The following SNAP29 variants were observed in gnomAD, a reference collection of about 807,000 sequenced individuals.
The protein encoded by SNAP29 is synaptosomal-associated protein 29.
In SNAP29, 13 loss-of-function variants were observed where a neutral mutation model predicts 27.9. The ratio of observed to expected loss-of-function variants is 0.47; its 90% CI spans 0.30 to 0.74. The LOEUF (loss-of-function observed/expected upper bound fraction) is 0.74, where lower values mean the gene tolerates loss of function less well. Among genes scored for constraint, SNAP29 ranks in the 30% least tolerant of loss-of-function variants. The pLI is 0.06. For synonymous variants in SNAP29, 119 were observed against 127.1 expected, an observed-to-expected ratio of 0.94 and a Z score of 0.43; for missense variants, 368 against 336.5, an observed-to-expected ratio of 1.09 and a Z score of -0.73.
intron 3 of SNAP29, among the ~76,000 whole-genome samples, chr22:20,881,418 G>A (rs1008619342): frequency 1.2e-4 from 18 of 152,196 alleles, no homozygotes; most frequent in Admixed American, 8.5e-4. Context: ...GAGCCTGCCC[G>A]GCCAGCCTGG....
At chr22:20,870,669 C>A in intron 2 of SNAP29, 136 bp downstream of exon 2, 1 of 817,140 alleles carries the variant, frequency 1.2e-6, no homozygotes, top group Non-Finnish European at 2.1e-6. Context: ...GGATATTTGT[C>A]CTCAAACATT....
intron 1 of SNAP29, among the ~76,000 whole-genome samples, chr22:20,864,759 A>G (rs1569115146): frequency 6.6e-6 from 1 of 152,240 alleles, no homozygotes; most frequent in Non-Finnish European, 1.5e-5. Flanking sequence ...CTTAAGCGTT[A>G]TTGGCGCTCC....
At chr22:20,874,749 A>G (rs561787987) in intron 2 of SNAP29, among the ~76,000 whole-genome samples, 1 of 151,570 alleles carries the variant, frequency 6.6e-6, no homozygotes, top group South Asian at 2.1e-4. Flanking sequence ...CTAATTTTAA[A>G]CATCCGCCAT....
chr22:20,868,744 C>T (rs1455029166), intron 1 of SNAP29, among the ~76,000 whole-genome samples: 1 of 152,202 alleles, frequency 6.6e-6, no homozygotes, highest in Non-Finnish European at 1.5e-5. Context: ...AGCCTTCTGG[C>T]TGGAAAGGCA....
intron 2 of SNAP29, among the ~76,000 whole-genome samples, chr22:20,879,851 T>TAAAA (rs361542): frequency 2.0e-5 from 2 of 98,070 alleles, no homozygotes; most frequent in African/African-American, 3.8e-5. Flanking sequence ...TGAAAAAATT[T>TAAAA]AAAAAAAAAA....
chr22:20,870,587 C>T (rs1928568343), intron 2 of SNAP29, 54 bp downstream of exon 2: 2 of 1,522,666 alleles, frequency 1.3e-6, no homozygotes, highest in East Asian at 4.6e-5. Flanking sequence ...GGGATTAGTG[C>T]AAATGACCAA....
intron 2 of SNAP29, among the ~76,000 whole-genome samples, chr22:20,874,013 CG>C (rs1309263326): frequency 5.3e-5 from 7 of 131,382 alleles, no homozygotes; most frequent in African/African-American, 2.0e-4. Flanking sequence ...TGGTGAGTCA[CG>C]CCTGTAATCC....
chr22:20,886,903 G>A (rs1431141679), intron 4 of SNAP29, among the ~76,000 whole-genome samples: 2 of 151,894 alleles, frequency 1.3e-5, no homozygotes, highest in South Asian at 2.1e-4. Context: ...ATGAGCCATT[G>A]TACCCGGCCA....
Position 20,883,484 on chromosome 22 carries a change from A to AG in SNAP29, c.538dup (p.Ala180GlyfsTer8), listed in dbSNP as rs1405780453. The AG allele has an allele frequency of 6.2e-7, 1 of 1,611,704 alleles. No individual in the cohort carries two copies. Among genetic ancestry groups the AG allele is most frequent in the Non-Finnish European group, 8.5e-7 (1 of 1,177,962 alleles). On this transcript the variant is annotated frameshift_variant, in exon 4 of 5. Transcript: ENST00000215730. LOFTEE classifies it high-confidence loss of function. ...TTCTAAACTTAGACCCTGTCCCCAGAGGGGCTGGTTCTGCCATGAGTACTG... is the reference window on the plus strand; with the variant it reads ...TTCTAAACTTAGACCCTGTCCCCAGAGGGGGCTGGTTCTGCCATGAGTACTG...
Position 20,859,221 on chromosome 22 carries a change from G to A in SNAP29, c.111G>A (p.Ala37=). The A allele has an allele frequency of 1.2e-6, 2 of 1,604,658 alleles. No homozygotes were observed. Among genetic ancestry groups the A allele is most frequent in the Non-Finnish European group, 1.7e-6 (2 of 1,176,652 alleles). ...DARDLPDGPD[A]PADRQQYLRQ... is the part of the protein sequence containing the mutation. The stretch of plus-strand genomic sequence containing the variant: ...GAGACCTCCCCGACGGGCCCGACGC[G>A]CCCGCGGACAGGCAGCAGTACTTGC... Residue 37 remains alanine (A), a synonymous_variant, in exon 1 of 5, where the codon GCG becomes GCA. Transcript: ENST00000215730.
chr22:20,869,374 T>C (rs570658634), intron 1 of SNAP29, among the ~76,000 whole-genome samples: 1 of 152,106 alleles, frequency 6.6e-6, no homozygotes, highest in East Asian at 1.9e-4. Flanking sequence ...GAGACCCTAA[T>C]TGGATGAGGG....
intron 4 of SNAP29, among the ~76,000 whole-genome samples, chr22:20,884,061 A>G (rs1247100881): frequency 2.0e-5 from 3 of 152,172 alleles, no homozygotes; most frequent in Non-Finnish European, 4.4e-5. Flanking sequence ...GGCCGGGCGC[A>G]GTGGCTCACG....
chr22:20,877,109 CTT>C (rs1928765926), intron 2 of SNAP29, among the ~76,000 whole-genome samples: 1 of 152,202 alleles, frequency 6.6e-6, no homozygotes, highest in Non-Finnish European at 1.5e-5. Context: ...TGTCTTATCA[CTT>C]TTCTCAGTCT....
rs116644127 is a variant in SNAP29, at chr22:20,859,240, T to C, written c.130T>C (p.Tyr44His). 1.5e-3 allele frequency: 2,489 copies of C among 1,607,296 alleles called. 32 individuals are homozygous for C. The African/African-American group carries it at 0.026, about 17-fold the overall frequency. The change falls in exon 1 of 5, where the codon TAC becomes CAC. Residue 44 changes from tyrosine to histidine, a missense_variant. Tyr to His is a moderately conservative substitution (Grantham distance 83). Coordinates refer to ENST00000215730, the MANE Select transcript of SNAP29 (RefSeq NM_004782.4). ...CGACGCGCCCGCGGACAGGCAGCAG[T>C]ACTTGCGGCAGGAGGTCCTCCGCAG... ...GPDAPADRQQYLRQEVLRRAE... is the reference protein window; with the variant it reads ...GPDAPADRQQHLRQEVLRRAE...
intron 1 of SNAP29, 141 bp from the exon 2 acceptor site, chr22:20,870,196 A>T: frequency 1.4e-6 from 1 of 727,452 alleles, no homozygotes; most frequent in Non-Finnish European, 2.5e-6. Flanking sequence ...TGGAAAGGGT[A>T]GTGTGCCCCT....
At position 20,884,856 on chromosome 22, in the gene SNAP29, A is replaced by T. The variant is rs139375703; in HGVS notation, c.619+1287A>T. Among the ~76,000 whole-genome samples the T allele has an allele frequency of 1.1e-3, 173 of 152,208 alleles. 1 individual carries two copies. In the East Asian group the frequency reaches 0.017, roughly 15 times the overall value. ...AATGGTGCAATCTCAGCTCACTGCA[A>T]CCGCTGCCTCCTGGGTTCAAGCGAT... On this transcript the variant is annotated intron_variant, in intron 4 of 4. Coordinates refer to ENST00000215730, the MANE Select transcript of SNAP29 (RefSeq NM_004782.4).
chr22:20,886,859 C>A (rs1929027416), intron 4 of SNAP29, among the ~76,000 whole-genome samples: 1 of 151,988 alleles, frequency 6.6e-6, no homozygotes, highest in Non-Finnish European at 1.5e-5. Flanking sequence ...ACGATCCACC[C>A]ACCTCAGCCT....
intron 1 of SNAP29, among the ~76,000 whole-genome samples, chr22:20,866,030 C>T (rs1356853038): frequency 2.6e-5 from 4 of 152,232 alleles, no homozygotes; most frequent in African/African-American, 9.6e-5. Context: ...CTGGTCTAAG[C>T]TTAGGCTCAC....
intron 1 of SNAP29, 32 bp downstream of exon 1, chr22:20,859,379 C>T: frequency 1.4e-6 from 2 of 1,430,992 alleles, no homozygotes; most frequent in East Asian, 4.6e-5. Flanking sequence ...TGTGGACTCG[C>T]CGGTCTCTGT....
Sources: gnomAD v4.1 joint callset for allele counts (sites outside exome capture counted in the v4.1 genomes callset) on GRCh38, gnomAD v4.1.1 for gene constraint, MANE v1.5 for transcripts, NCBI Gene and HGNC (gene_info 2026-07-23, HGNC 2026-07-21) for gene names.